IRAK3: variants seen among roughly 807,000 people sequenced by gnomAD.
The protein encoded by IRAK3 is interleukin-1 receptor-associated kinase 3.
A neutral mutation model predicts 56.6 loss-of-function variants in IRAK3; 57 were observed. The observed-to-expected ratio is 1.01, with a 90% CI of 0.81 to 1.26. The LOEUF is 1.26. Ranked by LOEUF, IRAK3 falls within the 50% of genes most tolerant of loss-of-function variation. The pLI is 0.00. For synonymous variants in IRAK3, 258 were observed against 255.7 expected (o/e 1.01, Z -0.09); for missense variants, 703 against 719.0 (o/e 0.98, Z 0.25).
chr12:66,244,992 T>C lies in IRAK3; in HGVS notation c.1131T>C (p.Asp377=). The C allele has an allele frequency of 6.2e-7, 1 of 1,613,900 alleles. No homozygotes were observed. Among genetic ancestry groups the C allele is most frequent in the Non-Finnish European group, 8.5e-7 (1 of 1,179,780 alleles). Residue 377 remains aspartate (D), a synonymous_variant, in exon 10 of 12, where the codon GAT becomes GAC. Transcript: ENST00000261233. ...VLTGCRVVLD[D]PKHIQLRDLL... ...CAGGATGTAGAGTAGTGTTAGATGA[T>C]CCAAAACATATCCAGCTGGTAAGAA...
intron 6 of IRAK3, among the ~76,000 whole-genome samples, chr12:66,222,918 C>T (rs997629491): frequency 1.3e-5 from 2 of 151,896 alleles, no homozygotes; most frequent in Non-Finnish European, 2.9e-5. Flanking sequence ...TGGGTGCAGG[C>T]GGGCTGAGTC....
chr12:66,248,218 G>A lies in IRAK3; in HGVS notation c.*47G>A, dbSNP rs2053057794. The A allele has an allele frequency of 1.5e-6, 2 of 1,370,136 alleles. No homozygotes were observed. Among genetic ancestry groups the A allele is most frequent in the Non-Finnish European group, 2.1e-6 (2 of 959,856 alleles). 84.9% of individuals were successfully genotyped at this position (1,370,136 alleles called of 1,614,324 possible). A position where few individuals can be genotyped will look rare whatever the true frequency, so the allele number is the denominator to read the frequency against. ...AAAAGCAAGTATTGCATAGGCACCT[G>A]AGCATAGGTATGACCTTGGGAAGAC... On this transcript the variant is annotated 3_prime_UTR_variant, in exon 12 of 12. Coordinates refer to ENST00000261233, the MANE Select transcript of IRAK3 (RefSeq NM_007199.3).
chr12:66,222,578 T>C (rs2052745207), intron 6 of IRAK3, among the ~76,000 whole-genome samples: 1 of 152,110 alleles, frequency 6.6e-6, no homozygotes, highest in African/African-American at 2.4e-5. Context: ...AGTCTCATAG[T>C]ATCAATTTTT....
chr12:66,189,636 A>G (rs1430670786), intron 1 of IRAK3, among the ~76,000 whole-genome samples: 1 of 152,116 alleles, frequency 6.6e-6, no homozygotes, highest in Non-Finnish European at 1.5e-5. Flanking sequence ...TTCTCTTTCA[A>G]AGAATTTTGG....
chr12:66,238,962 T>A (rs1331370808), intron 8 of IRAK3, among the ~76,000 whole-genome samples: 1 of 152,228 alleles, frequency 6.6e-6, no homozygotes, highest in Non-Finnish European at 1.5e-5. Flanking sequence ...GAAACGAAGA[T>A]GTTTTTGACT....
intron 6 of IRAK3, among the ~76,000 whole-genome samples, chr12:66,221,139 A>T (rs553193220): frequency 6.6e-6 from 1 of 152,300 alleles, no homozygotes. Context: ...TGTTGTAAAT[A>T]GGATCATTTC....
intron 5 of IRAK3, among the ~76,000 whole-genome samples, chr12:66,213,054 A>G (rs373981164): frequency 3.5e-4 from 54 of 152,308 alleles, no homozygotes; most frequent in African/African-American, 1.3e-3. Flanking sequence ...AAATTAAAAA[A>G]TAAATAAAAA....
chr12:66,202,197 T>A (rs2052514441), intron 1 of IRAK3, among the ~76,000 whole-genome samples: 1 of 152,218 alleles, frequency 6.6e-6, no homozygotes, highest in African/African-American at 2.4e-5. Flanking sequence ...GTATTTAATA[T>A]AAGCGCCTAC....
chr12:66,194,526 T>C (rs2052430442), intron 1 of IRAK3, among the ~76,000 whole-genome samples: 1 of 152,118 alleles, frequency 6.6e-6, no homozygotes, highest in Non-Finnish European at 1.5e-5. Context: ...CTTTCTCCGC[T>C]CTAGAACGTT....
At chr12:66,208,292 C>T (rs1008073479) in intron 2 of IRAK3, among the ~76,000 whole-genome samples, 4 of 151,402 alleles carry the variant, frequency 2.6e-5, no homozygotes, top group African/African-American at 4.9e-5. Context: ...AAGTTATAGT[C>T]GACATTTGGG....
chr12:66,239,256 T>C (rs534608275), intron 8 of IRAK3, among the ~76,000 whole-genome samples: 4 of 152,004 alleles, frequency 2.6e-5, no homozygotes, highest in Admixed American at 1.3e-4. Context: ...AGGGAAATGG[T>C]CTAGGAAAGA....
chr12:66,210,113 A>G (rs372106985), intron 3 of IRAK3, 34 bp from the exon 4 acceptor site: 1 of 1,364,684 alleles, frequency 7.3e-7, no homozygotes, highest in East Asian at 2.3e-5. Context: ...GATGTATGAA[A>G]TGGAATTACT....
intron 8 of IRAK3, among the ~76,000 whole-genome samples, chr12:66,243,027 A>G (rs887430759): frequency 2.6e-5 from 4 of 151,940 alleles, no homozygotes; most frequent in Non-Finnish European, 5.9e-5. Flanking sequence ...GATCGTGCCA[A>G]TGCGCTCCAG....
At chr12:66,246,612 A>G (rs2053035741) in intron 11 of IRAK3, among the ~76,000 whole-genome samples, 1 of 152,232 alleles carries the variant, frequency 6.6e-6, no homozygotes, top group Non-Finnish European at 1.5e-5. Flanking sequence ...ATCCGGTGTC[A>G]AACAGCAGGT....
intron 9 of IRAK3, 31 bp downstream of exon 9, chr12:66,244,715 A>G (rs1256392011): frequency 6.4e-7 from 1 of 1,554,276 alleles, no homozygotes. Context: ...AACAAAGGAG[A>G]GTTTATTGCC....
chr12:66,203,685 C>T (rs748371850), intron 1 of IRAK3, 26 bp from the exon 2 acceptor site: 21 of 1,600,320 alleles, frequency 1.3e-5, no homozygotes, highest in Non-Finnish European at 1.8e-5. Context: ...GTAAACAATT[C>T]TTTGTTTATA....
Position 66,189,416 on chromosome 12 carries a change from G to A in IRAK3, c.117G>A (p.Leu39=). Residue 39 remains leucine (L), a synonymous_variant, in exon 1 of 12, where the codon CTG becomes CTA. Coordinates refer to ENST00000261233, the MANE Select transcript of IRAK3 (RefSeq NM_007199.3). The stretch of plus-strand genomic sequence containing the variant: ...TTCTGGACAGCTGCGACGGCGCGCT[G>A]GGCTGGCGCGGCCTGGGTGAGTCGG... ...CAVLDSCDGA[L]GWRGLAERLS... is the part of the protein sequence containing the mutation. The A allele has an allele frequency of 1.4e-6, 2 of 1,410,374 alleles. No homozygotes were observed. The highest frequency in any genetic ancestry group is 1.9e-6 in the Non-Finnish European group (2 of 1,080,882). 87.4% of individuals were successfully genotyped at this position (1,410,374 alleles called of 1,614,324 possible). A position where few individuals can be genotyped will look rare whatever the true frequency, so the allele number is the denominator to read the frequency against.
chr12:66,202,524 C>T (rs1433127221), intron 1 of IRAK3, among the ~76,000 whole-genome samples: 1 of 152,068 alleles, frequency 6.6e-6, no homozygotes, highest in Non-Finnish European at 1.5e-5. Context: ...GTAATCCCAG[C>T]ACTTTGGAAG....
chr12:66,231,494 G>A (rs2052843556), intron 8 of IRAK3, among the ~76,000 whole-genome samples: 1 of 152,250 alleles, frequency 6.6e-6, no homozygotes, highest in Admixed American at 6.5e-5. Context: ...TGTCCTTGAA[G>A]GTTCAACCTG....
Sources: allele counts gnomAD v4.1 joint callset (sites outside exome capture counted in the v4.1 genomes callset), GRCh38; gene constraint gnomAD v4.1.1; transcripts MANE v1.5; gene names NCBI Gene and HGNC (gene_info 2026-07-23, HGNC 2026-07-21).